Variants in ZNF638 observed in about 807,000 individuals in gnomAD.
ZNF638 encodes CTCL tumor antigen se33-1.
In ZNF638, 46 loss-of-function variants were observed where a neutral mutation model predicts 195.6. That is an observed-to-expected ratio of 0.24 (90% CI 0.19 to 0.30). The LOEUF (loss-of-function observed/expected upper bound fraction) is 0.30. ZNF638 is among the 10% of genes least tolerant of loss of function. ZNF638 has a pLI of 1.00. For synonymous variants in ZNF638, 845 were observed against 772.0 expected (o/e 1.09, Z -1.57); for missense variants, 2,440 against 2,325.3 (o/e 1.05, Z -1.01).
At chr2:71,368,571 G>A in intron 7 of ZNF638, 43 bp downstream of exon 7, 3 of 1,597,678 alleles carry the variant, frequency 1.9e-6, no homozygotes, top group Non-Finnish European at 2.6e-6. Context: ...CAAAGTGATT[G>A]CTTTAATGAT....
intron 24 of ZNF638, 95 bp from the exon 25 acceptor site, chr2:71,428,452 A>G (rs2080585178): frequency 1.8e-6 from 2 of 1,137,652 alleles, no homozygotes; most frequent in Middle Eastern, 2.4e-4. Context: ...TTTTTGCAAA[A>G]ATGTATAATG....
chr2:71,402,147 T>G (rs1416108544), intron 16 of ZNF638, 60 bp downstream of exon 16: 1 of 1,499,086 alleles, frequency 6.7e-7, no homozygotes. Flanking sequence ...TGAAAAACAT[T>G]AAATTTACAA....
At chr2:71,405,274 T>C (rs2080084309) in intron 17 of ZNF638, among the ~76,000 whole-genome samples, 2 of 152,232 alleles carry the variant, frequency 1.3e-5, no homozygotes, top group South Asian at 4.1e-4. Context: ...TAGTTAACTT[T>C]TCTTTTGTAA....
At chr2:71,393,065 C>T (rs979033692) in intron 10 of ZNF638, among the ~76,000 whole-genome samples, 3 of 152,194 alleles carry the variant, frequency 2.0e-5, no homozygotes, top group Admixed American at 2.0e-4. Context: ...TTTTGTCACA[C>T]ATGGAGCATC....
At chr2:71,405,906 T>A (rs1200885634) in intron 18 of ZNF638, among the ~76,000 whole-genome samples, 2 of 152,282 alleles carry the variant, frequency 1.3e-5, no homozygotes, top group Non-Finnish European at 2.9e-5. Context: ...GGGTAAACGT[T>A]ATGTTGATAG....
chr2:71,427,112 T>C lies in ZNF638; in HGVS notation c.5243T>C (p.Leu1748Ser), dbSNP rs1394228828. Reference protein sequence around the residue: ...EIQDDSSDLHLVTLDEVTEED... With the variant: ...EIQDDSSDLHSVTLDEVTEED... Reference sequence around the variant, plus strand: ...CAAGATGACAGCAGTGATTTGCATTTAGTGACTTTGGATGAAGTAACTGAA... The same window carrying C: ...CAAGATGACAGCAGTGATTTGCATTCAGTGACTTTGGATGAAGTAACTGAA... Residue 1748 changes from leucine (L) to serine (S), a missense_variant, in exon 24 of 28, where the codon TTA becomes TCA. This residue lies in a region of ZNF638 where 1,883 missense variants were observed against 1,739.1 expected (regional missense o/e 1.08). Transcript: ENST00000264447. 33 of 1,614,076 alleles carry C rather than the reference T, an allele frequency of 2.0e-5. No homozygotes were observed. The highest frequency in any genetic ancestry group is 2.8e-5 in the Non-Finnish European group (33 of 1,180,030).
chr2:71,410,200 A>G (rs780767107), intron 20 of ZNF638, among the ~76,000 whole-genome samples: 1 of 152,160 alleles, frequency 6.6e-6, no homozygotes, highest in Non-Finnish European at 1.5e-5. Context: ...TTTGTTTTAA[A>G]GACGAAGTCT....
intron 21 of ZNF638, among the ~76,000 whole-genome samples, chr2:71,419,168 C>G (rs1422583767): frequency 6.6e-6 from 1 of 152,154 alleles, no homozygotes; most frequent in Non-Finnish European, 1.5e-5. Flanking sequence ...AAACTGGTGA[C>G]TTACAGCCTT....
chr2:71,352,021 T>C (rs563273898), intron 2 of ZNF638, among the ~76,000 whole-genome samples: 1 of 152,336 alleles, frequency 6.6e-6, no homozygotes, highest in African/African-American at 2.4e-5. Context: ...AGTATAAATA[T>C]GCATCCTGAC....
At position 71,411,609 on chromosome 2, in the gene ZNF638, A is replaced by G. The variant is rs370613293; in HGVS notation, c.3261+3362A>G. ...CATCTAGCATTAGGTATATCTCCCA[A>G]TGCTATCCCTCCCCCCTCCCCTGAC... On this transcript the variant is annotated intron_variant, in intron 20 of 27. Coordinates refer to ENST00000264447, the MANE Select transcript of ZNF638 (RefSeq NM_014497.5). Among the ~76,000 whole-genome samples the G allele has an allele frequency of 0.05, 5,433 of 108,280 alleles. 612 individuals are homozygous for G. In the East Asian group the frequency reaches 0.56, roughly 11 times the overall value. 71.0% of individuals were successfully genotyped at this position (108,280 alleles called of 152,430 possible).
chr2:71,365,404 AATTAT>A lies in ZNF638; in HGVS notation c.1718-21_1718-17del. On this transcript the variant is annotated intron_variant, in intron 5 of 27. Coordinates refer to ENST00000264447, the MANE Select transcript of ZNF638 (RefSeq NM_014497.5). ...CCTACCTTAATTTTTTTCCAATTGA[AATTAT>A]ATTTATATCTTTTTACTAGATAGAA... 1 of 1,526,190 alleles carries A rather than the reference AATTAT, an allele frequency of 6.6e-7. No homozygotes were observed. The highest frequency in any genetic ancestry group is 1.3e-5 in the South Asian group (1 of 77,938). 94.5% of individuals were successfully genotyped at this position (1,526,190 alleles called of 1,614,324 possible).
At chr2:71,370,412 TAAAC>T (rs1017230940) in intron 8 of ZNF638, among the ~76,000 whole-genome samples, 3 of 152,194 alleles carry the variant, frequency 2.0e-5, no homozygotes, top group African/African-American at 4.8e-5. Flanking sequence ...CAACTTTACA[TAAAC>T]AAAATCGTAT....
intron 8 of ZNF638, among the ~76,000 whole-genome samples, chr2:71,372,943 C>G (rs1019125429): frequency 6.6e-6 from 1 of 152,148 alleles, no homozygotes; most frequent in Non-Finnish European, 1.5e-5. Context: ...TAGGTTGTTT[C>G]TAGAAACAGA....
At chr2:71,366,804 T>C (rs1460671563) in intron 6 of ZNF638, among the ~76,000 whole-genome samples, 1 of 152,234 alleles carries the variant, frequency 6.6e-6, no homozygotes, top group Admixed American at 6.5e-5. Context: ...GGTACTGATT[T>C]ATTAGTGTTA....
At chr2:71,391,545 A>G (rs1317793119) in intron 10 of ZNF638, among the ~76,000 whole-genome samples, 2 of 152,218 alleles carry the variant, frequency 1.3e-5, no homozygotes, top group African/African-American at 2.4e-5. Context: ...TTTTGAGTTT[A>G]TATGCCTCTG....
At position 71,383,762 on chromosome 2, in the gene ZNF638, C is replaced by CTTTTTTTTTTTTTTTTTTTTTTT. The variant is rs1181570876; in HGVS notation, c.2377+3216_2377+3217insTTTTTTTTTTTTTTTTTTTTTTT. Among the ~76,000 whole-genome samples the CTTTTTTTTTTTTTTTTTTTTTTT allele has an allele frequency of 8.3e-4, 64 of 76,726 alleles. 1 individual carries two copies. The highest frequency in any genetic ancestry group is 1.4e-3 in the African/African-American group (28 of 19,358). 50.3% of individuals were successfully genotyped at this position (76,726 alleles called of 152,430 possible). A position where few individuals can be genotyped will look rare whatever the true frequency, so the allele number is the denominator to read the frequency against. On this transcript the variant is annotated intron_variant, in intron 10 of 27. Coordinates refer to ENST00000264447, the MANE Select transcript of ZNF638 (RefSeq NM_014497.5). ...AATTTTTCTTTTTTTTTTTCTTTTTCTTTTTTTTTTTTTTTTTTTAGTAGA... is the reference window on the plus strand; with the variant it reads ...AATTTTTCTTTTTTTTTTTCTTTTTCTTTTTTTTTTTTTTTTTTTTTTTTTTTTTTTTTTTTTTTTTTAGTAGA...
At position 71,400,151 on chromosome 2, in the gene ZNF638, C is replaced by A; in HGVS notation, c.2627C>A (p.Thr876Asn). The change falls in exon 14 of 28, where the codon ACT (threonine) becomes AAT (asparagine). Residue 876 changes from threonine to asparagine, a missense_variant. By Grantham distance (65) the Thr-to-Asn change is moderately conservative (BLOSUM62 0). Around this residue, in one of 5 missense-constraint regions of ZNF638, gnomAD observed 1,883 missense variants for 1,739.1 expected, o/e 1.08. Coordinates refer to ENST00000264447, the MANE Select transcript of ZNF638 (RefSeq NM_014497.5). ...EIKTSIEVKA[T>N]ENCAKEAISD... Reference sequence around the variant, plus strand: ...AAGACCAGTATTGAAGTCAAAGCCACTGAAAACTGTGCTAAAGAAGCTATT... The same window carrying A: ...AAGACCAGTATTGAAGTCAAAGCCAATGAAAACTGTGCTAAAGAAGCTATT... The A allele has an allele frequency of 6.2e-7, 1 of 1,609,218 alleles. No homozygotes were observed. The highest frequency in any genetic ancestry group is 1.3e-5 in the African/African-American group (1 of 74,832).
At chr2:71,408,379 C>CT in intron 20 of ZNF638, 132 bp downstream of exon 20, 1 of 1,128,916 alleles carries the variant, frequency 8.9e-7, no homozygotes. Context: ...ATCAGTGTTC[C>CT]AATTTTCATA....
intron 19 of ZNF638, among the ~76,000 whole-genome samples, chr2:71,406,894 G>C (rs987286500): frequency 6.6e-6 from 1 of 152,116 alleles, no homozygotes; most frequent in African/African-American, 2.4e-5. Context: ...CAGCTGCCTG[G>C]GAGGCTGAGG....
Sources: gnomAD v4.1 joint callset for allele counts (sites outside exome capture counted in the v4.1 genomes callset) on GRCh38, gnomAD v4.1.1 for gene constraint, gnomAD v4.1.1 regional missense constraint, MANE v1.5 for transcripts, NCBI Gene and HGNC (gene_info 2026-07-23, HGNC 2026-07-21) for gene names.